The following AKAP19 variants were observed in gnomAD, a reference collection of about 807,000 sequenced individuals.
AKAP19 encodes A-kinase anchoring protein 19, also known as small A-kinase anchoring protein.
chr2:190,038,841 T>A, the AKAP19 span, among the ~76,000 whole-genome samples: 1 of 151,968 alleles, frequency 6.6e-6, no homozygotes, highest in African/African-American at 2.4e-5. Flanking sequence ...TTTACAGGAA[T>A]CTTCTACTTT....
At chr2:190,128,405 A>C in the AKAP19 span, among the ~76,000 whole-genome samples, 1 of 152,180 alleles carries the variant, frequency 6.6e-6, no homozygotes, top group Admixed American at 6.5e-5. Flanking sequence ...TCTATCCACA[A>C]GGCACAAAAG....
chr2:190,038,929 TTC>T, the AKAP19 span, among the ~76,000 whole-genome samples: 41 of 143,644 alleles, frequency 2.9e-4, no homozygotes, highest in African/African-American at 1.0e-3. Context: ...CTTCTTCTTC[TTC>T]TTCTTCTTCT....
At chr2:189,972,861 A>G in the AKAP19 span, among the ~76,000 whole-genome samples, 2 of 152,236 alleles carry the variant, frequency 1.3e-5, no homozygotes, top group African/African-American at 2.4e-5. Context: ...AAAGTTGCTT[A>G]TCAGCTTAAG....
At chr2:189,948,520 T>C in the AKAP19 span, among the ~76,000 whole-genome samples, 1 of 152,212 alleles carries the variant, frequency 6.6e-6, no homozygotes, top group Non-Finnish European at 1.5e-5. Flanking sequence ...ACTGTGAACA[T>C]TTCAGTCTGT....
the AKAP19 span, among the ~76,000 whole-genome samples, chr2:189,938,336 C>CAA: frequency 2.9e-5 from 2 of 69,002 alleles, no homozygotes; most frequent in African/African-American, 5.3e-5. Context: ...ACTCCATCTC[C>CAA]AAAAAAAAAA....
the AKAP19 span, among the ~76,000 whole-genome samples, chr2:190,118,636 A>C: frequency 1.3e-5 from 2 of 152,218 alleles, no homozygotes; most frequent in African/African-American, 4.8e-5. Context: ...ATCTCAATAG[A>C]TGCAGAAAAG....
At chr2:189,962,849 G>A in the AKAP19 span, among the ~76,000 whole-genome samples, 8 of 151,400 alleles carry the variant, frequency 5.3e-5, no homozygotes, top group Non-Finnish European at 1.0e-4. Flanking sequence ...TTTATAACTG[G>A]GACCCATTAT....
chr2:190,194,474 GTA>G, the AKAP19 span, among the ~76,000 whole-genome samples: 402 of 124,002 alleles, frequency 3.2e-3, 1 homozygote, highest in African/African-American at 0.012. Flanking sequence ...CGTATCCTGT[GTA>G]TACACACACA....
the AKAP19 span, among the ~76,000 whole-genome samples, chr2:190,142,146 C>A: frequency 6.6e-6 from 1 of 152,176 alleles, no homozygotes; most frequent in Admixed American, 6.5e-5. Context: ...CAGCCAGCTT[C>A]ATGATCTTAC....
the AKAP19 span, among the ~76,000 whole-genome samples, chr2:189,888,442 T>C: frequency 2.0e-5 from 3 of 151,362 alleles, no homozygotes; most frequent in Admixed American, 1.3e-4. Flanking sequence ...AGGCTCTTTT[T>C]TGAAATTTAA....
chr2:190,193,444 CTT>C, the AKAP19 span, among the ~76,000 whole-genome samples: 31 of 152,148 alleles, frequency 2.0e-4, no homozygotes, highest in Admixed American at 1.0e-3. Context: ...TTTCTTTCCT[CTT>C]TCTCTCTTTT....
the AKAP19 span, among the ~76,000 whole-genome samples, chr2:189,976,174 G>C: frequency 2.0e-5 from 3 of 152,196 alleles, no homozygotes; most frequent in Non-Finnish European, 4.4e-5. Context: ...TGTCCTTTCT[G>C]TTTGTTAGTT....
At chr2:189,958,513 C>T in the AKAP19 span, among the ~76,000 whole-genome samples, 1 of 127,166 alleles carries the variant, frequency 7.9e-6, no homozygotes, top group South Asian at 2.3e-4. Context: ...AATATATATA[C>T]ACACATAACA....
At chr2:190,103,930 C>T in the AKAP19 span, among the ~76,000 whole-genome samples, 1 of 152,176 alleles carries the variant, frequency 6.6e-6, no homozygotes, top group African/African-American at 2.4e-5. Flanking sequence ...TACCTGACTT[C>T]AAACTATACT....
the AKAP19 span, among the ~76,000 whole-genome samples, chr2:190,147,312 G>A: frequency 2.0e-5 from 3 of 152,138 alleles, no homozygotes; most frequent in African/African-American, 7.2e-5. Context: ...TTGGCTGTAA[G>A]TGTTTTGGTT....
chr2:190,084,677 G>A, the AKAP19 span, among the ~76,000 whole-genome samples: 1 of 152,144 alleles, frequency 6.6e-6, no homozygotes. Context: ...CTATTTTTAA[G>A]GTGATTGTAT....
At chr2:190,189,208 T>C in the AKAP19 span, among the ~76,000 whole-genome samples, 1 of 152,230 alleles carries the variant, frequency 6.6e-6, no homozygotes, top group East Asian at 1.9e-4. Flanking sequence ...TCTTGGTCTT[T>C]ACCGGCAAGA....
chr2:190,031,955 C>T, the AKAP19 span, among the ~76,000 whole-genome samples: 1 of 152,102 alleles, frequency 6.6e-6, no homozygotes, highest in Non-Finnish European at 1.5e-5. Flanking sequence ...AAATATTGAT[C>T]TTCAGTGTTT....
the AKAP19 span, chr2:189,923,794 A>G: frequency 6.2e-7 from 1 of 1,612,456 alleles, no homozygotes; most frequent in Non-Finnish European, 8.5e-7. Context: ...GAAACACTTC[A>G]CAAAGGGGCA....
Sources: allele counts gnomAD v4.1 joint callset (sites outside exome capture counted in the v4.1 genomes callset), GRCh38; gene constraint gnomAD v4.1.1; transcripts MANE v1.5; gene names NCBI Gene and HGNC (gene_info 2026-07-23, HGNC 2026-07-21).